PALM2AKAP2: variants seen among roughly 807,000 people sequenced by gnomAD.
The protein encoded by PALM2AKAP2 is PALM2 and AKAP2 fusion, also known as PALM2-AKAP2 fusion protein.
In PALM2AKAP2, 37 loss-of-function variants were observed where a neutral mutation model predicts 71.5. The ratio of observed to expected loss-of-function variants is 0.52; its 90% CI spans 0.40 to 0.68. PALM2AKAP2 has a LOEUF of 0.68. Among genes scored for constraint, PALM2AKAP2 ranks in the 30% least tolerant of loss-of-function variants. PALM2AKAP2 has a pLI of 0.00. For synonymous variants in PALM2AKAP2, 468 were observed against 478.8 expected (o/e 0.98, Z 0.29); for missense variants, 1,224 against 1,191.8 (o/e 1.03, Z -0.40).
rs965803039 is a variant in PALM2AKAP2, at chr9:109,761,579, G to A, written c.6-18909G>A. ...GTGATGTTCACCTCCGTGTGTCCAC[G>A]TGTTCTCATTGTTCACCTCCCACTT... On this transcript the variant is annotated intron_variant, in intron 1 of 6. Transcript: ENST00000374531. 4.6e-5 allele frequency among the ~76,000 whole-genome samples: 7 copies of A among 152,126 alleles called. No individual in the cohort carries two copies. In the East Asian group the frequency reaches 5.8e-4, roughly 13 times the overall value.
intron 3 of PALM2AKAP2, among the ~76,000 whole-genome samples, chr9:109,900,856 G>A (rs781778087): frequency 2.0e-5 from 3 of 152,206 alleles, no homozygotes; most frequent in Non-Finnish European, 4.4e-5. Flanking sequence ...ACTTCAGACA[G>A]AACATTCTGG....
rs572804483 is a variant in PALM2AKAP2, at chr9:109,836,936, C to G, written c.46-30555C>G. Among the ~76,000 whole-genome samples, 386 of 152,272 alleles carry G rather than the reference C, an allele frequency of 2.5e-3. 1 individual carries two copies. The highest frequency in any genetic ancestry group is 9.0e-3 in the African/African-American group (373 of 41,554). ...CCTGAAAGTGACGGGGAGAATGGAA[C>G]CAAATTGGAAAACACTCTGCAGGAT... On this transcript the variant is annotated intron_variant, in intron 1 of 9. Transcript: ENST00000302798.
intron 3 of PALM2AKAP2, among the ~76,000 whole-genome samples, chr9:109,917,614 G>T (rs1018832507): frequency 6.7e-6 from 1 of 150,236 alleles, no homozygotes; most frequent in Non-Finnish European, 1.5e-5. Flanking sequence ...TTAGCCTCCA[G>T]AGTAGCTAGA....
chr9:110,147,427 T>A (rs1488669996), intron 2 of PALM2AKAP2, among the ~76,000 whole-genome samples: 6 of 152,132 alleles, frequency 3.9e-5, no homozygotes, highest in African/African-American at 1.2e-4. Flanking sequence ...TATACCAACC[T>A]CATAAAAATG....
chr9:109,983,443 T>C (rs1337018835), intron 6 of PALM2AKAP2, among the ~76,000 whole-genome samples: 1 of 152,128 alleles, frequency 6.6e-6, no homozygotes, highest in East Asian at 1.9e-4. Context: ...CACTCCTCCT[T>C]TTTTTCCTCT....
At chr9:109,975,553 A>C (rs976710390) in intron 6 of PALM2AKAP2, among the ~76,000 whole-genome samples, 3 of 152,260 alleles carry the variant, frequency 2.0e-5, no homozygotes, top group African/African-American at 7.2e-5. Flanking sequence ...TCCTTGGCTC[A>C]GTCAAATTGA....
chr9:110,013,206 A>G (rs1279640353), intron 6 of PALM2AKAP2, among the ~76,000 whole-genome samples: 1 of 152,186 alleles, frequency 6.6e-6, no homozygotes, highest in Non-Finnish European at 1.5e-5. Flanking sequence ...TCACCTCTTA[A>G]GCCCATTTCA....
chr9:109,686,199 C>T (rs544658475), intron 1 of PALM2AKAP2, among the ~76,000 whole-genome samples: 1 of 152,316 alleles, frequency 6.6e-6, no homozygotes, highest in African/African-American at 2.4e-5. Flanking sequence ...TGGAATCAAC[C>T]TCTTCCAAAC....
chr9:109,843,055 G>C (rs973162963), intron 1 of PALM2AKAP2, among the ~76,000 whole-genome samples: 8 of 145,204 alleles, frequency 5.5e-5, no homozygotes, highest in African/African-American at 2.1e-4. Flanking sequence ...CAGGAGACTC[G>C]CTTGAACCCG....
chr9:109,935,565 G>A (rs1483116964), intron 6 of PALM2AKAP2, among the ~76,000 whole-genome samples: 1 of 152,200 alleles, frequency 6.6e-6, no homozygotes, highest in East Asian at 1.9e-4. Flanking sequence ...AAAAGAAAAT[G>A]AGATTAATCT....
chr9:110,162,707 G>A (rs74471611), intron 3 of PALM2AKAP2, among the ~76,000 whole-genome samples: 2,520 of 152,092 alleles, frequency 0.017, 67 homozygotes, highest in African/African-American at 0.056. Context: ...TTCTCCAAAA[G>A]CCTCCTTGTT....
At chr9:110,054,739 T>C (rs1386168280) in intron 1 of PALM2AKAP2, among the ~76,000 whole-genome samples, 4 of 151,926 alleles carry the variant, frequency 2.6e-5, no homozygotes, top group African/African-American at 9.7e-5. Flanking sequence ...TGCCTGGCTG[T>C]TTTTCTATTG....
intron 1 of PALM2AKAP2, among the ~76,000 whole-genome samples, chr9:109,696,921 C>T (rs62581699): frequency 0.034 from 5,220 of 152,196 alleles, 130 homozygotes; most frequent in Non-Finnish European, 0.049. Flanking sequence ...AAATGTTTTC[C>T]TGCTGCCATG....
intron 1 of PALM2AKAP2, among the ~76,000 whole-genome samples, chr9:110,111,178 A>G (rs1835243373): frequency 7.2e-6 from 1 of 139,530 alleles, no homozygotes. Flanking sequence ...TGCAGTCTCA[A>G]TGGCTCAGGC....
intron 1 of PALM2AKAP2, among the ~76,000 whole-genome samples, chr9:109,727,480 A>ATTATC (rs10628273): frequency 0.87 from 131,681 of 151,784 alleles, 57,251 homozygotes; most frequent in East Asian, 0.9. Flanking sequence ...ACATTAAAAA[A>ATTATC]TTATTTTATA....
At chr9:109,719,654 C>T (rs1187659330) in intron 1 of PALM2AKAP2, among the ~76,000 whole-genome samples, 1 of 152,168 alleles carries the variant, frequency 6.6e-6, no homozygotes, top group Non-Finnish European at 1.5e-5. Context: ...GGATCAAACA[C>T]AAGATCAATG....
At chr9:109,890,493 A>G (rs943241616) in intron 3 of PALM2AKAP2, among the ~76,000 whole-genome samples, 6 of 152,244 alleles carry the variant, frequency 3.9e-5, no homozygotes, top group African/African-American at 1.2e-4. Context: ...AATGCATGCA[A>G]GGATGGTAGA....
intron 6 of PALM2AKAP2, among the ~76,000 whole-genome samples, chr9:110,014,801 AAAATG>A (rs1395648613): frequency 1.6e-3 from 68 of 41,246 alleles, no homozygotes; most frequent in African/African-American, 7.2e-3. Flanking sequence ...AAAAAAAAAA[AAAATG>A]TATATATATA....
rs1588032376 is a variant in PALM2AKAP2 at position 109,956,840 on chromosome 9, C to T, written c.496+24812C>T. 3.3e-5 allele frequency among the ~76,000 whole-genome samples: 5 copies of T among 152,148 alleles called. No homozygotes were observed. In the South Asian group the frequency reaches 1.0e-3, roughly 32 times the overall value. ...TTTCTTGCTATGTGAGTCAGTGTTA[C>T]ATAATGCCATGCCCACTTACCCCCA... is the stretch of plus-strand genomic sequence containing the variant. On this transcript the variant is annotated intron_variant, in intron 6 of 9. Coordinates refer to the PALM2AKAP2 transcript ENST00000302798.
Sources: allele counts gnomAD v4.1 joint callset (sites outside exome capture counted in the v4.1 genomes callset), GRCh38; gene constraint gnomAD v4.1.1; transcripts MANE v1.5; gene names NCBI Gene and HGNC (gene_info 2026-07-23, HGNC 2026-07-21).